Variants in ZZZ3 observed in about 807,000 individuals in gnomAD.
ZZZ3 encodes the protein zinc finger ZZ-type containing 3, also known as ZZ-type zinc finger-containing protein 3.
A neutral mutation model predicts 95.2 loss-of-function variants in ZZZ3; 22 were observed. The ratio of observed to expected loss-of-function variants is 0.23; its 90% CI spans 0.17 to 0.33. The LOEUF is 0.33. Among genes scored for constraint, ZZZ3 ranks in the 10% least tolerant of loss-of-function variants. The pLI is 1.00. For synonymous variants in ZZZ3, 335 were observed against 358.9 expected, an observed-to-expected ratio of 0.93 and a Z score of 0.75; for missense variants, 885 against 1,066.5, an observed-to-expected ratio of 0.83 and a Z score of 2.37.
chr1:77,567,965 A>G (rs2100458253), intron 13 of ZZZ3, among the ~76,000 whole-genome samples: 1 of 152,352 alleles, frequency 6.6e-6, no homozygotes, highest in African/African-American at 2.4e-5. Context: ...TGCTTTGCAT[A>G]AATGAATGGG....
intron 5 of ZZZ3, among the ~76,000 whole-genome samples, chr1:77,622,035 G>T (rs1666918345): frequency 6.6e-6 from 1 of 151,448 alleles, no homozygotes; most frequent in South Asian, 2.1e-4. Flanking sequence ...GAAGGGTCGG[G>T]TGTGCTGGCT....
At chr1:77,640,038 A>G (rs889575481) in intron 3 of ZZZ3, among the ~76,000 whole-genome samples, 1 of 152,064 alleles carries the variant, frequency 6.6e-6, no homozygotes, top group Non-Finnish European at 1.5e-5. Flanking sequence ...CATTTAGGTT[A>G]TGCATAAAAG....
In ZZZ3 at chr1:77,641,641, A is replaced by G; in HGVS notation, c.-388T>C. ...TATTATTTATTTATATGGTTGTACT[A>G]GAATAACTTGATATCTGTGAAGAGA... is the stretch of plus-strand genomic sequence containing the variant. On this transcript the variant is annotated 5_prime_UTR_variant, in exon 2 of 15. It removes the in-frame stop codon of an upstream open reading frame in the 5' UTR. Transcript: ENST00000370801. 2.5e-6 allele frequency: 1 copy of G among 398,078 alleles called. No individual in the cohort carries two copies. Among genetic ancestry groups the G allele is most frequent in the South Asian group, 1.3e-4 (1 of 7,854 alleles). The allele number at this position is 398,078 out of a possible 1,614,324, so 24.7% of individuals were successfully genotyped here.
chr1:77,564,264 T>C lies in ZZZ3; in HGVS notation c.*1376A>G, dbSNP rs990671256. 2.6e-5 allele frequency: 4 copies of C among 152,164 alleles called. No homozygotes were observed. The highest frequency in any genetic ancestry group is 7.2e-5 in the African/African-American group (3 of 41,456). 9.4% of individuals were successfully genotyped at this position (152,164 alleles called of 1,614,324 possible). ...TTAACCATGGTCCGTGTTTCCTTTT[T>C]GTAAGCTAGTTTAATTTAGTGTTTC... is the stretch of plus-strand genomic sequence containing the variant. On this transcript the variant is annotated 3_prime_UTR_variant, in exon 15 of 15. Transcript: ENST00000370801.
At chr1:77,604,723 C>G (rs923990825) in intron 5 of ZZZ3, among the ~76,000 whole-genome samples, 1 of 152,194 alleles carries the variant, frequency 6.6e-6, no homozygotes, top group Non-Finnish European at 1.5e-5. Context: ...TCAGTTTACA[C>G]TTAACCATAT....
chr1:77,633,400 G>C lies in ZZZ3; in HGVS notation c.-46C>G. The stretch of plus-strand genomic sequence containing the variant: ...TACGGTCATCATGATCCACTCATTG[G>C]GAAACCTTCAAAAATGTAAACAAAA... On this transcript the variant is annotated 5_prime_UTR_variant, in exon 5 of 15. Coordinates refer to ENST00000370801, the MANE Select transcript of ZZZ3 (RefSeq NM_015534.6). 1 of 1,520,304 alleles carries C rather than the reference G, an allele frequency of 6.6e-7. No homozygotes were observed. Among genetic ancestry groups the C allele is most frequent in the East Asian group, 2.3e-5 (1 of 43,804 alleles). The allele number at this position is 1,520,304 out of a possible 1,614,324, so 94.2% of individuals were successfully genotyped here.
intron 1 of ZZZ3, 107 bp downstream of exon 1, chr1:77,682,478 T>C (rs1672877146): frequency 6.6e-6 from 1 of 152,518 alleles, no homozygotes; most frequent in Non-Finnish European, 1.5e-5. Flanking sequence ...GAGGGCAGTG[T>C]TGCCTCAATG....
intron 5 of ZZZ3, among the ~76,000 whole-genome samples, chr1:77,590,335 T>G (rs998984586): frequency 6.6e-6 from 1 of 152,120 alleles, no homozygotes; most frequent in East Asian, 1.9e-4. Context: ...GATCATGCCA[T>G]TGCTTACTCC....
chr1:77,609,283 G>A (rs755898842), intron 5 of ZZZ3, among the ~76,000 whole-genome samples: 1 of 152,086 alleles, frequency 6.6e-6, no homozygotes, highest in Admixed American at 6.5e-5. Context: ...TCTATAAAAA[G>A]AGACAAAGAA....
chr1:77,596,709 C>G (rs1019105775), intron 5 of ZZZ3, among the ~76,000 whole-genome samples: 4 of 152,152 alleles, frequency 2.6e-5, no homozygotes, highest in African/African-American at 9.6e-5. Flanking sequence ...AAGAGTTTTT[C>G]ACAATTCACA....
intron 1 of ZZZ3, among the ~76,000 whole-genome samples, chr1:77,652,743 T>G (rs1034992750): frequency 6.6e-6 from 1 of 152,136 alleles, no homozygotes; most frequent in South Asian, 2.1e-4. Flanking sequence ...GAATATCATA[T>G]CAACACAATG....
Position 77,641,652 on chromosome 1 carries a change from A to G in ZZZ3, c.-399T>C, listed in dbSNP as rs1424379822. On this transcript the variant is annotated 5_prime_UTR_variant, in exon 2 of 15. Transcript: ENST00000370801. ...TATATGGTTGTACTAGAATAACTTG[A>G]TATCTGTGAAGAGAAACCATAATAT... 2 of 397,824 alleles carry G rather than the reference A, an allele frequency of 5.0e-6. No individual in the cohort carries two copies. The highest frequency in any genetic ancestry group is 2.1e-5 in the African/African-American group (1 of 48,608). 24.6% of individuals were successfully genotyped at this position (397,824 alleles called of 1,614,324 possible).
intron 5 of ZZZ3, among the ~76,000 whole-genome samples, chr1:77,626,273 T>G (rs1037062020): frequency 1.3e-5 from 2 of 152,210 alleles, no homozygotes. Context: ...GACTGGGTGA[T>G]GGGGTTGTTT....
intron 1 of ZZZ3, among the ~76,000 whole-genome samples, chr1:77,674,310 A>C (rs1326557683): frequency 6.6e-6 from 1 of 152,242 alleles, no homozygotes; most frequent in African/African-American, 2.4e-5. Context: ...ACAATAAAAC[A>C]GCTGAATCTC....
chr1:77,609,381 T>C (rs973271362), intron 5 of ZZZ3, among the ~76,000 whole-genome samples: 2 of 152,142 alleles, frequency 1.3e-5, no homozygotes, highest in Admixed American at 6.5e-5. Context: ...AGCACTCAGA[T>C]ATATAAAGCA....
At position 77,633,062 on chromosome 1, in the gene ZZZ3, C is replaced by T; in HGVS notation, c.293G>A (p.Arg98Lys). The change falls in exon 5 of 15, where the codon AGG becomes AAG. Residue 98 changes from arginine (R) to lysine (K), a missense_variant. Physicochemically the swap from Arg to Lys is conservative, Grantham distance 26. Around this residue, in one of 5 missense-constraint regions of ZZZ3, gnomAD observed 556 missense variants for 652.9 expected, o/e 0.85. Coordinates refer to ENST00000370801, the MANE Select transcript of ZZZ3 (RefSeq NM_015534.6). ...LSSSEKDNIERQAIENCERRQ... is the reference protein window; with the variant it reads ...LSSSEKDNIEKQAIENCERRQ... ...TCTCTCACAATTTTCTATAGCCTGC[C>T]TTTCTATGTTATCCTTTTCTGAAGA... 6.2e-7 allele frequency: 1 copy of T among 1,613,874 alleles called. No individual in the cohort carries two copies. The highest frequency in any genetic ancestry group is 8.5e-7 in the Non-Finnish European group (1 of 1,180,004).
intron 5 of ZZZ3, 54 bp from the exon 6 acceptor site, chr1:77,584,709 T>C: frequency 6.9e-7 from 1 of 1,449,530 alleles, no homozygotes; most frequent in Non-Finnish European, 9.2e-7. Context: ...CAACAATAAA[T>C]AAAAACTGAG....
At chr1:77,615,655 A>G (rs1476096172) in intron 5 of ZZZ3, among the ~76,000 whole-genome samples, 1 of 152,232 alleles carries the variant, frequency 6.6e-6, no homozygotes, top group Non-Finnish European at 1.5e-5. Context: ...ATATTTCTGC[A>G]TAATTAAAAA....
In ZZZ3 at chr1:77,565,792, G is replaced by A. The variant is rs1312522185; in HGVS notation, c.2568-8C>T. 15 of 1,602,290 alleles carry A rather than the reference G, an allele frequency of 9.4e-6. No homozygotes were observed. In the Admixed American group the frequency reaches 1.4e-4, roughly 15 times the overall value. On this transcript the variant is annotated splice_region_variant and splice_polypyrimidine_tract_variant and intron_variant, in intron 14 of 14. Coordinates refer to ENST00000370801, the MANE Select transcript of ZZZ3 (RefSeq NM_015534.6). The stretch of plus-strand genomic sequence containing the variant: ...ATATCTGTTTCATGTAGACTGTAAA[G>A]AAAAAAAGACACACATCATTACATG...
Sources: allele counts gnomAD v4.1 joint callset (sites outside exome capture counted in the v4.1 genomes callset), GRCh38; gene constraint gnomAD v4.1.1; regional missense constraint gnomAD v4.1.1; transcripts MANE v1.5; gene names NCBI Gene and HGNC (gene_info 2026-07-23, HGNC 2026-07-21).